Variants in DOCK2 observed in about 807,000 individuals in gnomAD.
DOCK2 encodes the protein dedicator of cytokinesis protein 2.
Under a neutral mutation model 248.9 loss-of-function variants are expected in DOCK2, and 87 were observed. The ratio of observed to expected loss-of-function variants is 0.35; its 90% CI spans 0.29 to 0.42. DOCK2 has a LOEUF of 0.42. Among genes scored for constraint, DOCK2 ranks in the 10% least tolerant of loss-of-function variants. The pLI is 1.00. For synonymous variants in DOCK2, 805 were observed against 821.6 expected, an observed-to-expected ratio of 0.98 and a Z score of 0.35; for missense variants, 1,747 against 2,300.2, an observed-to-expected ratio of 0.76 and a Z score of 4.92.
At chr5:169,724,848 A>G (rs1762393160) in intron 22 of DOCK2, among the ~76,000 whole-genome samples, 1 of 150,754 alleles carries the variant, frequency 6.6e-6, no homozygotes. Context: ...GTTTCTTCCT[A>G]TGTAAATATT....
At chr5:169,887,841 C>T (rs1196632355) in intron 27 of DOCK2, among the ~76,000 whole-genome samples, 1 of 152,180 alleles carries the variant, frequency 6.6e-6, no homozygotes, top group Non-Finnish European at 1.5e-5. Context: ...TAACGTGCAA[C>T]TCTGCCATTA....
intron 29 of DOCK2, among the ~76,000 whole-genome samples, chr5:169,992,473 G>A (rs959370718): frequency 1.3e-5 from 2 of 152,168 alleles, no homozygotes; most frequent in Non-Finnish European, 2.9e-5. Flanking sequence ...TACAATTATT[G>A]TTGTTGTTTT....
intron 29 of DOCK2, among the ~76,000 whole-genome samples, chr5:169,991,427 G>T (rs559682265): frequency 6.6e-6 from 1 of 152,246 alleles, no homozygotes; most frequent in Non-Finnish European, 1.5e-5. Flanking sequence ...ATTGCATATG[G>T]CTTCTGGTTC....
In DOCK2 at chr5:169,919,451, G is replaced by A. The variant is rs562044460; in HGVS notation, c.2800-63617G>A. Among the ~76,000 whole-genome samples the A allele has an allele frequency of 2.0e-5, 3 of 152,246 alleles. No individual in the cohort carries two copies. The East Asian group carries it at 5.8e-4, about 29-fold the overall frequency. On this transcript the variant is annotated intron_variant, in intron 27 of 51. Transcript: ENST00000520908. ...TTAAATCCCCAACTAAAAAGTAATG[G>A]CCAGTATCATTAATTGACCCCAGGC...
Position 169,671,294 on chromosome 5 carries a change from G to T in DOCK2, c.321+120G>T, listed in dbSNP as rs12656787. 7 of 785,718 alleles carry T rather than the reference G, an allele frequency of 8.9e-6. No homozygotes were observed. The South Asian group carries it at 1.2e-4, about 13-fold the overall frequency. 48.7% of individuals were successfully genotyped at this position (785,718 alleles called of 1,614,324 possible). ...GGTGGCTTTGGTGACATAGCAGAGC[G>T]CACACTATTACGTGTGAGGACATCA... On this transcript the variant is annotated intron_variant, in intron 5 of 51. Transcript: ENST00000520908.
intron 32 of DOCK2, among the ~76,000 whole-genome samples, chr5:170,015,823 T>C (rs1447412110): frequency 6.9e-6 from 1 of 144,534 alleles, no homozygotes; most frequent in African/African-American, 2.5e-5. Flanking sequence ...CCTCCCTCCT[T>C]TTCTTCTTTC....
chr5:169,647,580 T>C (rs981411832), intron 1 of DOCK2, among the ~76,000 whole-genome samples: 2 of 152,058 alleles, frequency 1.3e-5, no homozygotes, highest in African/African-American at 4.8e-5. Flanking sequence ...CTCCTGCAGA[T>C]GGTCACTCTA....
chr5:169,809,603 G>C (rs1450577788), intron 26 of DOCK2, among the ~76,000 whole-genome samples: 1 of 152,166 alleles, frequency 6.6e-6, no homozygotes, highest in East Asian at 1.9e-4. Flanking sequence ...TGTGTAACAG[G>C]AGGCTTTGAG....
At chr5:169,864,761 G>A (rs1771432790) in intron 27 of DOCK2, among the ~76,000 whole-genome samples, 1 of 152,062 alleles carries the variant, frequency 6.6e-6, no homozygotes, top group Non-Finnish European at 1.5e-5. Flanking sequence ...TCATTAATGG[G>A]GTTTTGGCAT....
intron 45 of DOCK2, among the ~76,000 whole-genome samples, chr5:170,068,794 C>A (rs891701698): frequency 6.6e-6 from 1 of 152,190 alleles, no homozygotes; most frequent in East Asian, 1.9e-4. Flanking sequence ...ACACACGGGT[C>A]CTCACCCCAC....
chr5:169,695,991 G>A (rs1760599002), intron 10 of DOCK2, 53 bp downstream of exon 10: 1 of 1,530,340 alleles, frequency 6.5e-7, no homozygotes, highest in Admixed American at 2.2e-5. Context: ...CATTTTATGT[G>A]GCTGAATTGT....
chr5:169,775,915 G>A (rs996136721), intron 25 of DOCK2, among the ~76,000 whole-genome samples: 3 of 151,576 alleles, frequency 2.0e-5, no homozygotes, highest in African/African-American at 4.8e-5. Flanking sequence ...GCTAAGGGGG[G>A]CCTTGGACCA....
At chr5:169,799,064 G>C (rs261589) in intron 25 of DOCK2, among the ~76,000 whole-genome samples, 1,540 of 152,208 alleles carry the variant, frequency 0.01, 31 homozygotes, top group African/African-American at 0.035. Context: ...TCAGAAGCTG[G>C]GAATCTAGGG....
At chr5:169,845,092 C>T (rs1340199970) in intron 27 of DOCK2, among the ~76,000 whole-genome samples, 1 of 151,004 alleles carries the variant, frequency 6.6e-6, no homozygotes. Context: ...CAACTCATTG[C>T]CAGGTCCCTG....
At chr5:169,644,581 A>G (rs1222359827) in intron 1 of DOCK2, among the ~76,000 whole-genome samples, 1 of 151,706 alleles carries the variant, frequency 6.6e-6, no homozygotes, top group African/African-American at 2.4e-5. Flanking sequence ...CGACATTGGC[A>G]TAAATCATGC....
intron 1 of DOCK2, among the ~76,000 whole-genome samples, chr5:169,642,678 C>G (rs1757215541): frequency 1.3e-5 from 2 of 152,184 alleles, no homozygotes; most frequent in African/African-American, 4.8e-5. Flanking sequence ...GATGCTTCAG[C>G]AATTTGGGTC....
chr5:169,847,181 A>G (rs1770367681), intron 27 of DOCK2, among the ~76,000 whole-genome samples: 1 of 152,168 alleles, frequency 6.6e-6, no homozygotes, highest in Admixed American at 6.5e-5. Context: ...TTTTTCACAT[A>G]ATGACTTCTT....
intron 25 of DOCK2, among the ~76,000 whole-genome samples, chr5:169,795,859 G>A (rs1304093350): frequency 6.6e-6 from 1 of 152,222 alleles, no homozygotes; most frequent in African/African-American, 2.4e-5. Flanking sequence ...AGGGCAGGGT[G>A]AGCTGTGATA....
At chr5:169,649,812 C>CTT (rs367853396) in intron 1 of DOCK2, among the ~76,000 whole-genome samples, 2 of 146,410 alleles carry the variant, frequency 1.4e-5, no homozygotes, top group African/African-American at 2.5e-5. Context: ...TTTTTTCTTT[C>CTT]TTTTTTTTTT....
Sources: gnomAD v4.1 joint callset for allele counts (sites outside exome capture counted in the v4.1 genomes callset) on GRCh38, gnomAD v4.1.1 for gene constraint, MANE v1.5 for transcripts, NCBI Gene and HGNC (gene_info 2026-07-23, HGNC 2026-07-21) for gene names.